The following XRCC2 variants were observed in gnomAD, a reference collection of about 807,000 sequenced individuals.
XRCC2 encodes DNA repair protein XRCC2.
A neutral mutation model predicts 27.3 loss-of-function variants in XRCC2; 24 were observed. The ratio of observed to expected loss-of-function variants is 0.88; its 90% confidence interval spans 0.64 to 1.24. The LOEUF (loss-of-function observed/expected upper bound fraction) is 1.24, where lower values mean the gene tolerates loss of function less well. XRCC2 is among the 50% of genes most tolerant of loss of function. The probability of loss-of-function intolerance (pLI) is 0.00; values close to 1 mark genes in which losing one functional copy is unlikely to be tolerated. For synonymous variants in XRCC2, 106 were observed against 115.4 expected (o/e 0.92, Z 0.52); for missense variants, 321 against 325.8 (o/e 0.99, Z 0.11).
At chr7:152,664,712 C>G (rs1266217944) in intron 1 of XRCC2, among the ~76,000 whole-genome samples, 1 of 152,150 alleles carries the variant, frequency 6.6e-6, no homozygotes, top group Admixed American at 6.6e-5. Flanking sequence ...CCTCCATCAT[C>G]ACGCTATTAG....
intron 1 of XRCC2, among the ~76,000 whole-genome samples, chr7:152,666,232 C>A (rs1321695188): frequency 6.6e-6 from 1 of 151,680 alleles, no homozygotes; most frequent in African/African-American, 2.4e-5. Context: ...TTTTTTGAGA[C>A]AGGGTCTTGC....
chr7:152,667,469 G>A (rs1339314791), intron 1 of XRCC2, among the ~76,000 whole-genome samples: 9 of 150,106 alleles, frequency 6.0e-5, no homozygotes, highest in East Asian at 3.9e-4. Context: ...TCTTTTGGGC[G>A]AAGATGGTAT....
At position 152,644,960 on chromosome 7, in the gene XRCC2, T is replaced by A. The variant is rs1197505018; in HGVS notation, c.*3682A>T. ...TTCTGAAAGAGATGATTCTGATGAT[T>A]CAGATGATTCTGATGTTAGTTCTGT... On this transcript the variant is annotated 3_prime_UTR_variant, in exon 3 of 3. Transcript: ENST00000359321. 1.3e-5 allele frequency: 2 copies of A among 152,096 alleles called. No individual in the cohort carries two copies. 9.4% of individuals were successfully genotyped at this position (152,096 alleles called of 1,614,324 possible). A position where few individuals can be genotyped will look rare whatever the true frequency, so the allele number is the denominator to read the frequency against.
intron 2 of XRCC2, among the ~76,000 whole-genome samples, chr7:152,653,404 G>A (rs2098029380): frequency 1.3e-5 from 2 of 152,272 alleles, no homozygotes; most frequent in South Asian, 4.1e-4. Flanking sequence ...CTAATGTGGT[G>A]ACTTAAAAGT....
intron 2 of XRCC2, among the ~76,000 whole-genome samples, chr7:152,659,346 A>C (rs1337223457): frequency 2.0e-5 from 3 of 152,180 alleles, no homozygotes; most frequent in African/African-American, 7.2e-5. Context: ...TGGATACTTC[A>C]TTTTTAGTAG....
chr7:152,666,660 A>C (rs3218434), intron 1 of XRCC2, among the ~76,000 whole-genome samples: 1 of 151,080 alleles, frequency 6.6e-6, no homozygotes, highest in East Asian at 2.0e-4. Flanking sequence ...CTTTGTCACC[A>C]AGGCTGGAGT....
At chr7:152,665,111 AGAG>A (rs1398493189) in intron 1 of XRCC2, among the ~76,000 whole-genome samples, 1 of 152,134 alleles carries the variant, frequency 6.6e-6, no homozygotes, top group East Asian at 1.9e-4. Flanking sequence ...GAGAAGGATG[AGAG>A]GAGACCAGGA....
At position 152,668,746 on chromosome 7, in the gene XRCC2, C is replaced by G. The variant is rs1429889180; in HGVS notation, c.39+7295G>C. Among the ~76,000 whole-genome samples, 4 of 152,202 alleles carry G rather than the reference C, an allele frequency of 2.6e-5. No homozygotes were observed. The South Asian group carries it at 6.2e-4, about 24-fold the overall frequency. ...ATAATTTTAATCTATTTGACAGTTTCACTAATATTGTGAGTCAATAGATTT... is the reference window on the plus strand; with the variant it reads ...ATAATTTTAATCTATTTGACAGTTTGACTAATATTGTGAGTCAATAGATTT... On this transcript the variant is annotated intron_variant, in intron 1 of 2. Coordinates refer to ENST00000359321, the MANE Select transcript of XRCC2 (RefSeq NM_005431.2).
intron 1 of XRCC2, among the ~76,000 whole-genome samples, chr7:152,665,510 T>TTA (rs869122513): frequency 7.0e-6 from 1 of 143,612 alleles, no homozygotes; most frequent in African/African-American, 2.6e-5. Context: ...TTTTTTTTTT[T>TTA]AGACAGGGTC....
chr7:152,659,543 G>T (rs1194829958), intron 2 of XRCC2, among the ~76,000 whole-genome samples: 1 of 151,258 alleles, frequency 6.6e-6, no homozygotes, highest in Non-Finnish European at 1.5e-5. Flanking sequence ...ATAAGCCTGT[G>T]CAAAGATACC....
rs1179288134 is a variant in XRCC2, at chr7:152,649,503, T to C, written c.122-140A>G. On this transcript the variant is annotated intron_variant, in intron 2 of 2. Coordinates refer to ENST00000359321, the MANE Select transcript of XRCC2 (RefSeq NM_005431.2). Reference sequence around the variant, plus strand: ...AAATTCACTTTTGCCAAAATGGAGCTGTACAAGCAAATACAATAAATAAGG... The same window carrying C: ...AAATTCACTTTTGCCAAAATGGAGCCGTACAAGCAAATACAATAAATAAGG... 10 of 1,071,082 alleles carry C rather than the reference T, an allele frequency of 9.3e-6. No individual in the cohort carries two copies. In the South Asian group the frequency reaches 1.1e-4, roughly 12 times the overall value. The allele number at this position is 1,071,082 out of a possible 1,614,324, so 66.3% of individuals were successfully genotyped here.
rs745877163 is a variant in XRCC2 at position 152,648,656 on chromosome 7, C to A, written c.829G>T (p.Val277Phe). 6.2e-7 allele frequency: 1 copy of A among 1,600,456 alleles called. No homozygotes were observed. Among genetic ancestry groups the A allele is most frequent in the East Asian group, 2.2e-5 (1 of 44,824 alleles). ...KHFFIIGESG[V>F]EFC is the part of the protein sequence containing the mutation. ...TATGATGTATATCAACAAAATTCAA[C>A]CCCACTTTCTCCAATAATAAAAAAA... The change falls in exon 3 of 3, where the codon GTT (valine) becomes TTT (phenylalanine). Residue 277 changes from valine to phenylalanine, a missense_variant. Val to Phe is a conservative substitution (Grantham distance 50). Coordinates refer to ENST00000359321, the MANE Select transcript of XRCC2 (RefSeq NM_005431.2).
At chr7:152,663,686 A>G (rs2098034322) in intron 1 of XRCC2, among the ~76,000 whole-genome samples, 1 of 152,132 alleles carries the variant, frequency 6.6e-6, no homozygotes, top group African/African-American at 2.4e-5. Flanking sequence ...AAAAAATACA[A>G]AAATTGGCTG....
chr7:152,646,205 T>C lies in XRCC2; in HGVS notation c.*2437A>G, dbSNP rs2098025775. 1 of 152,092 alleles carries C rather than the reference T, an allele frequency of 6.6e-6. No individual in the cohort carries two copies. The highest frequency in any genetic ancestry group is 1.5e-5 in the Non-Finnish European group (1 of 68,030). 9.4% of individuals were successfully genotyped at this position (152,092 alleles called of 1,614,324 possible). Reference sequence around the variant, plus strand: ...TGTCTAATGTTGATACTTTTCCCCTTCTCCCGGACAATGCAAGGACCTTAG... The same window carrying C: ...TGTCTAATGTTGATACTTTTCCCCTCCTCCCGGACAATGCAAGGACCTTAG... On this transcript the variant is annotated 3_prime_UTR_variant, in exon 3 of 3. Coordinates refer to ENST00000359321, the MANE Select transcript of XRCC2 (RefSeq NM_005431.2).
At chr7:152,659,720 T>C (rs1419759882) in intron 2 of XRCC2, among the ~76,000 whole-genome samples, 1 of 144,450 alleles carries the variant, frequency 6.9e-6, no homozygotes, top group Non-Finnish European at 1.5e-5. Context: ...GAAGCTCCTT[T>C]GGAAAACAGT....
At chr7:152,653,734 TTA>T (rs2098029520) in intron 2 of XRCC2, among the ~76,000 whole-genome samples, 2 of 152,122 alleles carry the variant, frequency 1.3e-5, no homozygotes, top group African/African-American at 2.4e-5. Flanking sequence ...AGTGCTAGAC[TTA>T]TAGGCATGCA....
chr7:152,656,236 AT>A, intron 2 of XRCC2, among the ~76,000 whole-genome samples: 1 of 152,242 alleles, frequency 6.6e-6, no homozygotes, highest in Non-Finnish European at 1.5e-5. Flanking sequence ...ATTTTAAAAA[AT>A]GTTCGGATGG....
At chr7:152,659,529 G>A (rs3218480) in intron 2 of XRCC2, among the ~76,000 whole-genome samples, 4 of 152,122 alleles carry the variant, frequency 2.6e-5, no homozygotes, top group Non-Finnish European at 5.9e-5. Flanking sequence ...TATACAATTT[G>A]CCAATAAGCC....
chr7:152,650,887 AAAAAAC>A (rs1216818618), intron 2 of XRCC2, among the ~76,000 whole-genome samples: 6 of 152,280 alleles, frequency 3.9e-5, no homozygotes, highest in African/African-American at 9.6e-5. Flanking sequence ...ACTCCGTCTC[AAAAAAC>A]AAAAACAAAA....
Sources: gnomAD v4.1 joint callset for allele counts (sites outside exome capture counted in the v4.1 genomes callset) on GRCh38, gnomAD v4.1.1 for gene constraint, MANE v1.5 for transcripts, NCBI Gene and HGNC (gene_info 2026-07-23, HGNC 2026-07-21) for gene names.